MEIKIN: variants seen among roughly 807,000 people sequenced by gnomAD.
The protein encoded by MEIKIN is meiosis-specific kinetochore protein.
At chr5:131,846,212 C>A (rs1420957384) in intron 11 of MEIKIN, among the ~76,000 whole-genome samples, 3 of 152,110 alleles carry the variant, frequency 2.0e-5, no homozygotes, top group African/African-American at 7.2e-5. Context: ...TTAAGACATT[C>A]CCAGATAAAC....
chr5:131,820,059 G>C (rs1749463983), intron 11 of MEIKIN, among the ~76,000 whole-genome samples: 1 of 128,750 alleles, frequency 7.8e-6, no homozygotes, highest in Non-Finnish European at 1.6e-5. Context: ...ACAGGCGTGA[G>C]CCACCGCGCC....
At chr5:131,848,211 T>C (rs917440283) in intron 11 of MEIKIN, among the ~76,000 whole-genome samples, 1 of 151,312 alleles carries the variant, frequency 6.6e-6, no homozygotes, top group East Asian at 1.9e-4. Context: ...GAATAGAAAA[T>C]CATAAGGAAA....
At chr5:131,918,963 G>A (rs1194557504) in intron 6 of MEIKIN, among the ~76,000 whole-genome samples, 1 of 151,946 alleles carries the variant, frequency 6.6e-6, no homozygotes, top group African/African-American at 2.4e-5. Context: ...GGCTGGTATG[G>A]GAGAAACATA....
chr5:131,885,190 A>C lies in MEIKIN; in HGVS notation c.704-6142T>G, dbSNP rs574355023. On this transcript the variant is annotated intron_variant, in intron 8 of 12. Transcript: ENST00000442687. The stretch of plus-strand genomic sequence containing the variant: ...CTTAGGGCCTTGAGAAAACACAGGC[A>C]ATAGCCAGGTATTAGTTACAATGAG... Among the ~76,000 whole-genome samples, 4 of 152,182 alleles carry C rather than the reference A, an allele frequency of 2.6e-5. No individual in the cohort carries two copies. The South Asian group carries it at 8.3e-4, about 32-fold the overall frequency.
At position 131,933,563 on chromosome 5, in the gene MEIKIN, A is replaced by G. The variant is rs1004230931; in HGVS notation, c.428T>C (p.Phe143Ser). Residue 143 changes from phenylalanine (F) to serine (S), a missense_variant, in exon 5 of 13, where the codon TTT becomes TCT. Coordinates refer to ENST00000442687, the MANE Select transcript of MEIKIN (RefSeq NM_001303622.2). ...TTCAGGTGATGGAAAGCTCTCTTCA[A>G]AACTCTTGTATTCTGCATAAGAGTC... The part of the protein sequence containing the change: ...VTDSYAEYKS[F>S]EESFPSPELF... 2 of 398,834 alleles carry G rather than the reference A, an allele frequency of 5.0e-6. No individual in the cohort carries two copies. The highest frequency in any genetic ancestry group is 8.8e-5 in the Admixed American group (2 of 22,720). The allele number at this position is 398,834 out of a possible 1,614,324, so 24.7% of individuals were successfully genotyped here.
intron 5 of MEIKIN, among the ~76,000 whole-genome samples, chr5:131,927,909 T>C (rs919449743): frequency 6.6e-6 from 1 of 150,708 alleles, no homozygotes; most frequent in Non-Finnish European, 1.5e-5. Context: ...ACTTTGGGAG[T>C]CCGAGACGGG....
At chr5:131,918,327 C>CT (rs1175667557) in intron 6 of MEIKIN, among the ~76,000 whole-genome samples, 2 of 152,132 alleles carry the variant, frequency 1.3e-5, no homozygotes, top group Non-Finnish European at 2.9e-5. Context: ...CCTTTTTAAC[C>CT]TAATACTGTT....
At chr5:131,912,339 GCT>G (rs2149643877) in intron 7 of MEIKIN, among the ~76,000 whole-genome samples, 1 of 151,616 alleles carries the variant, frequency 6.6e-6, no homozygotes, top group East Asian at 1.9e-4. Context: ...AGAGGGTCTT[GCT>G]CTGTTACCCA....
intron 12 of MEIKIN, among the ~76,000 whole-genome samples, chr5:131,817,427 C>T (rs1330258053): frequency 6.6e-6 from 1 of 151,792 alleles, no homozygotes; most frequent in Non-Finnish European, 1.5e-5. Flanking sequence ...CTGGCTAACA[C>T]GATGAAACCC....
intron 11 of MEIKIN, among the ~76,000 whole-genome samples, chr5:131,838,006 A>T (rs1749840829): frequency 6.6e-6 from 1 of 151,858 alleles, no homozygotes; most frequent in African/African-American, 2.4e-5. Context: ...TTTGTCTTGG[A>T]TGTCTCTTTT....
chr5:131,851,438 T>C (rs556822798), intron 10 of MEIKIN, 55 bp from the exon 11 acceptor site: 1 of 395,886 alleles, frequency 2.5e-6, no homozygotes, highest in Non-Finnish European at 4.5e-6. Context: ...AAAGCAATGA[T>C]TTTTAAGTAA....
intron 8 of MEIKIN, among the ~76,000 whole-genome samples, chr5:131,905,812 T>A (rs974501082): frequency 6.6e-6 from 1 of 152,186 alleles, no homozygotes; most frequent in South Asian, 2.1e-4. Context: ...CTGGGATAAC[T>A]GGCCAGCCAT....
At chr5:131,866,481 CA>C (rs1447258709) in intron 9 of MEIKIN, among the ~76,000 whole-genome samples, 1 of 152,198 alleles carries the variant, frequency 6.6e-6, no homozygotes. Context: ...GAGGCAGCAG[CA>C]GCTGTGCTGT....
At chr5:131,903,553 G>A (rs1274442027) in intron 8 of MEIKIN, among the ~76,000 whole-genome samples, 1 of 152,064 alleles carries the variant, frequency 6.6e-6, no homozygotes, top group Non-Finnish European at 1.5e-5. Flanking sequence ...GCCAAACCAA[G>A]CTTCATAAGC....
At chr5:131,896,726 T>C (rs1297894231) in intron 8 of MEIKIN, among the ~76,000 whole-genome samples, 3 of 152,224 alleles carry the variant, frequency 2.0e-5, no homozygotes, top group African/African-American at 4.8e-5. Context: ...TCGCTTTCCA[T>C]TTGCTTGGTA....
intron 11 of MEIKIN, among the ~76,000 whole-genome samples, chr5:131,842,252 AC>A (rs1485948098): frequency 6.6e-6 from 1 of 152,182 alleles, no homozygotes; most frequent in Non-Finnish European, 1.5e-5. Flanking sequence ...GGTGTGAGCC[AC>A]CTTGCCTGGC....
At chr5:131,825,785 A>C (rs1749599727) in intron 11 of MEIKIN, among the ~76,000 whole-genome samples, 1 of 152,238 alleles carries the variant, frequency 6.6e-6, no homozygotes, top group East Asian at 1.9e-4. Context: ...TGGCCACAGG[A>C]CAGTCCTAAG....
chr5:131,914,383 CAAA>C lies in MEIKIN; in HGVS notation c.638+2500_638+2502del, dbSNP rs373552501. Among the ~76,000 whole-genome samples the C allele has an allele frequency of 2.2e-3, 206 of 92,578 alleles. 3 individuals carry two copies. The highest frequency in any genetic ancestry group is 6.8e-3 in the African/African-American group (189 of 27,814). The allele number at this position is 92,578 out of a possible 152,430, so 60.7% of individuals were successfully genotyped here. A position where few individuals can be genotyped will look rare whatever the true frequency, so the allele number is the denominator to read the frequency against. On this transcript the variant is annotated intron_variant, in intron 7 of 12. Coordinates refer to ENST00000442687, the MANE Select transcript of MEIKIN (RefSeq NM_001303622.2). Reference sequence around the variant, plus strand: ...TGGGCAACAGAGTAAGACTCTGTCTCAAAAAAAAAAAAAAAGAAAGAAAGAAAG... The same window carrying C: ...TGGGCAACAGAGTAAGACTCTGTCTCAAAAAAAAAAAAGAAAGAAAGAAAG...
At chr5:131,872,649 A>G (rs867275351) in intron 9 of MEIKIN, among the ~76,000 whole-genome samples, 12 of 152,134 alleles carry the variant, frequency 7.9e-5, no homozygotes, top group East Asian at 5.8e-4. Flanking sequence ...TACAGAGAAC[A>G]CCACAAAGAT....
Sources: gnomAD v4.1 joint callset for allele counts (sites outside exome capture counted in the v4.1 genomes callset) on GRCh38, gnomAD v4.1.1 for gene constraint, MANE v1.5 for transcripts, NCBI Gene and HGNC (gene_info 2026-07-23, HGNC 2026-07-21) for gene names.